Variants in GRK2 observed in about 807,000 individuals in gnomAD.
GRK2 encodes the protein adrenergic beta receptor kinase 1.
Under a neutral mutation model 97.8 loss-of-function variants are expected in GRK2, and 23 were observed. The ratio of observed to expected loss-of-function variants is 0.24; its 90% CI spans 0.17 to 0.33. The LOEUF is 0.33. Ranked by LOEUF, GRK2 falls within the 10% of genes least tolerant of loss-of-function variation. GRK2 has a pLI of 1.00. For synonymous variants in GRK2, 425 were observed against 381.7 expected, an observed-to-expected ratio of 1.11 and a Z score of -1.32; for missense variants, 633 against 956.9, an observed-to-expected ratio of 0.66 and a Z score of 4.47.
Position 67,279,571 on chromosome 11 carries a change from G to A in GRK2, c.366+52G>A, listed in dbSNP as rs2136499846. 3.1e-6 allele frequency: 5 copies of A among 1,612,412 alleles called. No homozygotes were observed. The East Asian group carries it at 1.1e-4, about 36-fold the overall frequency. On this transcript the variant is annotated intron_variant, in intron 4 of 20. Transcript: ENST00000308595. ...GCTGGCCCAGAGTCACCTGCAGATT[G>A]GGAGGGGAAGAGAGGACCCTGCTGA...
chr11:67,279,320 G>A, intron 3 of GRK2, 47 bp downstream of exon 3: 2 of 1,610,926 alleles, frequency 1.2e-6, no homozygotes, highest in Non-Finnish European at 1.7e-6. Context: ...GAAAGGGGAG[G>A]AGGTTGGGGC....
intron 1 of GRK2, 44 bp downstream of exon 1, chr11:67,266,856 C>A: frequency 9.7e-7 from 1 of 1,032,632 alleles, no homozygotes; most frequent in Non-Finnish European, 1.2e-6. Context: ...CCCGCGGGCG[C>A]CCCGGCCGCG....
At chr11:67,271,165 CCTT>C (rs1477097175) in intron 1 of GRK2, among the ~76,000 whole-genome samples, 1 of 152,166 alleles carries the variant, frequency 6.6e-6, no homozygotes, top group Non-Finnish European at 1.5e-5. Context: ...CACACCTGCC[CCTT>C]CTTCCTGGGC....
Position 67,282,409 on chromosome 11 carries a change from C to T in GRK2, c.1053-26C>T, listed in dbSNP as rs375764429. 92 of 1,612,588 alleles carry T rather than the reference C, an allele frequency of 5.7e-5. 1 individual carries two copies. Among genetic ancestry groups the T allele is most frequent in the African/African-American group, 5.2e-4 (39 of 74,940 alleles). On this transcript the variant is annotated intron_variant, in intron 12 of 20. Coordinates refer to ENST00000308595, the MANE Select transcript of GRK2 (RefSeq NM_001619.5). The surrounding 1 kb of genome is among the most constrained non-coding windows in gnomAD (Gnocchi z 6.9). ...CTCCCTCCCCACCCCTTGCCACTCC[C>T]GCTTATGGCCCCCTTGCTCCCACAG...
intron 1 of GRK2, among the ~76,000 whole-genome samples, chr11:67,268,053 G>C (rs1044712775): frequency 1.3e-5 from 2 of 152,236 alleles, no homozygotes; most frequent in African/African-American, 2.4e-5. Flanking sequence ...CAGCGGGCTG[G>C]GGATGGGGCC....
chr11:67,277,104 A>G (rs1190160800), intron 1 of GRK2, 168 bp from the exon 2 acceptor site: 2 of 569,016 alleles, frequency 3.5e-6, no homozygotes, highest in Non-Finnish European at 6.1e-6. Flanking sequence ...GCTTCCTTGA[A>G]GCCTTCTGGT....
intron 1 of GRK2, among the ~76,000 whole-genome samples, chr11:67,275,340 T>A (rs1012488812): frequency 6.6e-6 from 1 of 152,200 alleles, no homozygotes; most frequent in Non-Finnish European, 1.5e-5. Context: ...TGTCTGGAGC[T>A]GCTCTCCGCA....
At chr11:67,268,104 G>A (rs1859835228) in intron 1 of GRK2, among the ~76,000 whole-genome samples, 1 of 152,210 alleles carries the variant, frequency 6.6e-6, no homozygotes, top group African/African-American at 2.4e-5. Context: ...CTCTGGGTAA[G>A]TCTCTTCCCT....
At position 67,266,678 on chromosome 11, in the gene GRK2, A is replaced by C. The variant is rs976371795; in HGVS notation, c.-22A>C. 28 of 1,045,822 alleles carry C rather than the reference A, an allele frequency of 2.7e-5. No homozygotes were observed. The highest frequency in any genetic ancestry group is 5.4e-5 in the East Asian group (1 of 18,502). The allele number at this position is 1,045,822 out of a possible 1,614,324, so 64.8% of individuals were successfully genotyped here. A position where few individuals can be genotyped will look rare whatever the true frequency, so the allele number is the denominator to read the frequency against. On this transcript the variant is annotated 5_prime_UTR_variant, in exon 1 of 21. Coordinates refer to ENST00000308595, the MANE Select transcript of GRK2 (RefSeq NM_001619.5). ...CGGCGGCGGCGGCGGCGGCGGCGGG[A>C]GGAGGCAGCGCCGCCGCCAAGATGG...
At chr11:67,272,136 C>T (rs1322329142) in intron 1 of GRK2, among the ~76,000 whole-genome samples, 1 of 152,210 alleles carries the variant, frequency 6.6e-6, no homozygotes, top group East Asian at 1.9e-4. Flanking sequence ...GGCTGCCTCC[C>T]ATCCTGGGTT....
At chr11:67,274,158 G>A (rs1404643718) in intron 1 of GRK2, among the ~76,000 whole-genome samples, 2 of 151,992 alleles carry the variant, frequency 1.3e-5, no homozygotes, top group Non-Finnish European at 2.9e-5. Context: ...GACTACAGGC[G>A]CACGCCACCA....
At chr11:67,280,911 C>G (rs752022648) in intron 7 of GRK2, 128 bp downstream of exon 7, 38 of 1,245,218 alleles carry the variant, frequency 3.1e-5, no homozygotes, top group Non-Finnish European at 4.4e-5. Flanking sequence ...AGGGCCGTGG[C>G]TATGGGGGTC....
At position 67,282,552 on chromosome 11, in the gene GRK2, C is replaced by T. The variant is rs764564425; in HGVS notation, c.1160+10C>T. 1.9e-6 allele frequency: 3 copies of T among 1,612,114 alleles called. No homozygotes were observed. The highest frequency in any genetic ancestry group is 2.5e-6 in the Non-Finnish European group (3 of 1,178,960). On this transcript the variant is annotated intron_variant, in intron 13 of 20. Coordinates refer to ENST00000308595, the MANE Select transcript of GRK2 (RefSeq NM_001619.5). This position sits in a 1 kb window ranked among gnomAD's most constrained non-coding sequence, Gnocchi z 6.9. Reference sequence around the variant, plus strand: ...TCAAGTTGCTGCGGGGGTGAGTGGCCCATCCCAGGTGGGCAGGTGGGTTGG... The same window carrying T: ...TCAAGTTGCTGCGGGGGTGAGTGGCTCATCCCAGGTGGGCAGGTGGGTTGG...
At chr11:67,280,347 T>G in intron 6 of GRK2, 1 of 384,466 alleles carries the variant, frequency 2.6e-6, no homozygotes, top group Non-Finnish European at 4.9e-6. Flanking sequence ...GAGCAGCTGT[T>G]TTAGGGTCAC....
In GRK2 at chr11:67,279,777, T is replaced by C. The variant is rs3730309; in HGVS notation, c.442-62T>C. On this transcript the variant is annotated intron_variant, in intron 5 of 20. Coordinates refer to ENST00000308595, the MANE Select transcript of GRK2 (RefSeq NM_001619.5). ...GTCAACAAGCCTGGTCAGCCAGGGG[T>C]GGGGCCTGGGCAACCACGGTCTCTC... 26,050 of 1,611,864 alleles carry C rather than the reference T, an allele frequency of 0.016. 3,722 individuals carry two copies. The African/African-American group carries it at 0.31, about 19-fold the overall frequency.
intron 1 of GRK2, 111 bp downstream of exon 1, chr11:67,266,923 C>T: frequency 5.3e-6 from 2 of 375,688 alleles, no homozygotes; most frequent in Non-Finnish European, 8.5e-6. Context: ...GGGGCCGGCT[C>T]TCGCAACCCC....
At chr11:67,284,578 A>G in intron 18 of GRK2, 2 of 713,138 alleles carry the variant, frequency 2.8e-6, no homozygotes. Context: ...TGAGGTCAGG[A>G]GTTTGAGACC....
Position 67,286,310 on chromosome 11 carries a change from T to C in GRK2, c.*860T>C. 2 of 669,756 alleles carry C rather than the reference T, an allele frequency of 3.0e-6. No individual in the cohort carries two copies. The highest frequency in any genetic ancestry group is 5.4e-6 in the Non-Finnish European group (2 of 373,126). 41.5% of individuals were successfully genotyped at this position (669,756 alleles called of 1,614,324 possible). On this transcript the variant is annotated 3_prime_UTR_variant, in exon 21 of 21. Transcript: ENST00000308595. The stretch of plus-strand genomic sequence containing the variant: ...TGCCCCCCATCCTGGCCCATCAGTG[T>C]ACCCCCGCCCAGGCTGGCCAGCCCC...
In GRK2 at chr11:67,283,907, C is replaced by G; in HGVS notation, c.1449C>G (p.Phe483Leu). Reference sequence around the variant, plus strand: ...GGGAGGTGAACGCGGCCGACGCCTTCGACATTGGCTCCTTCGATGAGGAGG... The same window carrying G: ...GGGAGGTGAACGCGGCCGACGCCTTGGACATTGGCTCCTTCGATGAGGAGG... ...PRGEVNAADA[F>L]DIGSFDEEDT... Residue 483 changes from phenylalanine (F) to leucine (L), a missense_variant, in exon 17 of 21, where the codon TTC (phenylalanine) becomes TTG (leucine). Coordinates refer to ENST00000308595, the MANE Select transcript of GRK2 (RefSeq NM_001619.5). 3 of 1,612,868 alleles carry G rather than the reference C, an allele frequency of 1.9e-6. No homozygotes were observed. The highest frequency in any genetic ancestry group is 2.5e-6 in the Non-Finnish European group (3 of 1,179,704).
Sources: allele counts gnomAD v4.1 joint callset (sites outside exome capture counted in the v4.1 genomes callset), GRCh38; gene constraint gnomAD v4.1.1; non-coding constraint Gnocchi (gnomAD v3.1); transcripts MANE v1.5; gene names NCBI Gene and HGNC (gene_info 2026-07-23, HGNC 2026-07-21).